ZNF804B: variants seen among roughly 807,000 people sequenced by gnomAD.
ZNF804B encodes zinc finger 804B.
In ZNF804B, 80 loss-of-function variants were observed where a neutral mutation model predicts 101.4. The observed-to-expected ratio is 0.79, with a 90% CI of 0.66 to 0.95. The LOEUF (loss-of-function observed/expected upper bound fraction) is 0.95. Among genes scored for constraint, ZNF804B ranks in the 40% least tolerant of loss-of-function variants. ZNF804B has a pLI of 0.00. For synonymous variants in ZNF804B, 622 were observed against 558.8 expected (o/e 1.11, Z -1.59); for missense variants, 1,673 against 1,561.9 (o/e 1.07, Z -1.20).
At chr7:89,014,755 T>C (rs774570474) in intron 1 of ZNF804B, among the ~76,000 whole-genome samples, 81 of 152,368 alleles carry the variant, frequency 5.3e-4, no homozygotes, top group Non-Finnish European at 7.6e-4. Context: ...TAGATGTTAA[T>C]GTTCATCAGA....
Position 88,986,110 on chromosome 7 carries a change from A to T in ZNF804B, c.108+226026A>T, listed in dbSNP as rs1159978353. Among the ~76,000 whole-genome samples, 4 of 152,248 alleles carry T rather than the reference A, an allele frequency of 2.6e-5. No individual in the cohort carries two copies. The South Asian group carries it at 8.3e-4, about 32-fold the overall frequency. On this transcript the variant is annotated intron_variant, in intron 1 of 3. Coordinates refer to ENST00000333190, the MANE Select transcript of ZNF804B (RefSeq NM_181646.5). ...ATAAAGGCTTTGATGGCCATGAACT[A>T]CATTAATATAATATTCAAAGCAACA... is the stretch of plus-strand genomic sequence containing the variant.
intron 1 of ZNF804B, among the ~76,000 whole-genome samples, chr7:89,129,979 A>G (rs759009128): frequency 1.1e-4 from 16 of 152,004 alleles, no homozygotes; most frequent in Admixed American, 6.6e-4. Flanking sequence ...TTAATTTTTC[A>G]TGGTAAAATT....
intron 1 of ZNF804B, among the ~76,000 whole-genome samples, chr7:89,038,325 C>A (rs1022171410): frequency 1.2e-4 from 18 of 152,118 alleles, no homozygotes; most frequent in Admixed American, 1.1e-3. Context: ...CTTGCCAACA[C>A]TTACTTTTTG....
intron 1 of ZNF804B, among the ~76,000 whole-genome samples, chr7:88,760,404 C>G (rs183912768): frequency 6.6e-6 from 1 of 152,210 alleles, no homozygotes; most frequent in Non-Finnish European, 1.5e-5. Context: ...ACTTACGAAT[C>G]TGCTGATTTG....
Position 89,171,496 on chromosome 7 carries a change from G to A in ZNF804B, c.109-46659G>A, listed in dbSNP as rs144395411. On this transcript the variant is annotated intron_variant, in intron 1 of 3. Transcript: ENST00000333190. ...GTCACCCAGGCTGGAGTGCAGTGGC[G>A]CTGTCTTAGCTCACTGCAATCTCTG... Among the ~76,000 whole-genome samples the A allele has an allele frequency of 7.8e-4, 118 of 151,424 alleles. 1 individual carries two copies. The highest frequency in any genetic ancestry group is 2.5e-3 in the African/African-American group (104 of 41,236).
intron 1 of ZNF804B, among the ~76,000 whole-genome samples, chr7:89,071,780 G>A (rs1331912088): frequency 9.1e-6 from 1 of 109,708 alleles, no homozygotes; most frequent in Non-Finnish European, 1.7e-5. Flanking sequence ...ACACACAAAT[G>A]TACACACACA....
At chr7:89,260,960 A>G (rs1302687836) in intron 2 of ZNF804B, among the ~76,000 whole-genome samples, 1 of 151,054 alleles carries the variant, frequency 6.6e-6, no homozygotes, top group African/African-American at 2.5e-5. Flanking sequence ...ACTAAGCACA[A>G]TAAAAATATG....
rs1258205770 is a variant in ZNF804B at position 88,820,381 on chromosome 7, G to C, written c.108+60297G>C. Among the ~76,000 whole-genome samples the C allele has an allele frequency of 2.0e-5, 3 of 151,926 alleles. No homozygotes were observed. In the East Asian group the frequency reaches 5.9e-4, roughly 30 times the overall value. On this transcript the variant is annotated intron_variant, in intron 1 of 3. Coordinates refer to ENST00000333190, the MANE Select transcript of ZNF804B (RefSeq NM_181646.5). ...TGCTGGCAGTGCCTTTGCCTCCTAG[G>C]GTTCAGGTGTTCCAGTGAGTGGGTT...
At chr7:89,086,136 T>A (rs1789797122) in intron 1 of ZNF804B, among the ~76,000 whole-genome samples, 1 of 150,906 alleles carries the variant, frequency 6.6e-6, no homozygotes, top group Non-Finnish European at 1.5e-5. Context: ...CTGCTGTGAT[T>A]TTATTTATTT....
intron 1 of ZNF804B, among the ~76,000 whole-genome samples, chr7:89,025,007 C>A (rs533382348): frequency 1.4e-4 from 22 of 152,034 alleles, no homozygotes; most frequent in Non-Finnish European, 2.9e-4. Context: ...CCGTACAACC[C>A]ACATGACCAG....
intron 1 of ZNF804B, among the ~76,000 whole-genome samples, chr7:89,026,842 G>A (rs139217976): frequency 7.6e-4 from 115 of 152,238 alleles, no homozygotes; most frequent in Admixed American, 4.0e-3. Context: ...CCCAAATGGA[G>A]CTTTTGGTGA....
intron 1 of ZNF804B, among the ~76,000 whole-genome samples, chr7:88,963,280 C>T (rs1793413329): frequency 6.6e-6 from 1 of 151,254 alleles, no homozygotes. Context: ...TACAAAGGTA[C>T]AGTAATCCAA....
chr7:88,777,644 A>C (rs998107415), intron 1 of ZNF804B, among the ~76,000 whole-genome samples: 1 of 152,026 alleles, frequency 6.6e-6, no homozygotes, highest in Non-Finnish European at 1.5e-5. Flanking sequence ...GGAATTCGAG[A>C]TCAGCCTGGC....
At chr7:88,873,593 A>G (rs1791874621) in intron 1 of ZNF804B, among the ~76,000 whole-genome samples, 2 of 152,054 alleles carry the variant, frequency 1.3e-5, no homozygotes, top group Admixed American at 6.5e-5. Flanking sequence ...TAGGGTTTTT[A>G]TGGTTTTAGG....
chr7:89,129,739 G>A (rs954138819), intron 1 of ZNF804B, among the ~76,000 whole-genome samples: 1 of 151,980 alleles, frequency 6.6e-6, no homozygotes, highest in Admixed American at 6.6e-5. Context: ...ACTTCCTCAT[G>A]GTTATTAAGC....
At chr7:88,902,743 G>C (rs995946351) in intron 1 of ZNF804B, among the ~76,000 whole-genome samples, 1 of 151,892 alleles carries the variant, frequency 6.6e-6, no homozygotes, top group Non-Finnish European at 1.5e-5. Flanking sequence ...ATAAATGAAA[G>C]TTTATTTAAA....
intron 1 of ZNF804B, among the ~76,000 whole-genome samples, chr7:89,176,522 A>G (rs777121187): frequency 6.9e-6 from 1 of 145,388 alleles, no homozygotes; most frequent in African/African-American, 2.5e-5. Flanking sequence ...GGATTTTTGC[A>G]TCAGTGTTTA....
chr7:89,283,413 G>C (rs116985676), intron 2 of ZNF804B, among the ~76,000 whole-genome samples: 1 of 152,082 alleles, frequency 6.6e-6, no homozygotes, highest in African/African-American at 2.4e-5. Flanking sequence ...ATGTGTATGT[G>C]TATTAGAGCC....
At chr7:88,881,245 C>G (rs887260793) in intron 1 of ZNF804B, among the ~76,000 whole-genome samples, 2 of 151,942 alleles carry the variant, frequency 1.3e-5, no homozygotes, top group African/African-American at 4.8e-5. Flanking sequence ...ATTTTGCCAT[C>G]CAAATAATAT....
Sources: gnomAD v4.1 joint callset for allele counts (sites outside exome capture counted in the v4.1 genomes callset) on GRCh38, gnomAD v4.1.1 for gene constraint, MANE v1.5 for transcripts, NCBI Gene and HGNC (gene_info 2026-07-23, HGNC 2026-07-21) for gene names.